Variants in PCDHGA9 observed in about 807,000 individuals in gnomAD.
The protein encoded by PCDHGA9 is protocadherin gamma subfamily A, 9, also known as protocadherin gamma-A9.
Under a neutral mutation model 62.5 loss-of-function variants are expected in PCDHGA9, and 37 were observed. That is an observed-to-expected ratio of 0.59 (90% confidence interval 0.46 to 0.78). The LOEUF is 0.78. Among genes scored for constraint, PCDHGA9 ranks in the 30% least tolerant of loss-of-function variants. PCDHGA9 has a pLI of 0.00. For missense variants in PCDHGA9, 1,138 were observed against 1,166.2 expected (o/e 0.98, Z 0.35); for synonymous variants, 459 against 484.6 (o/e 0.95, Z 0.69).
chr5:141,423,880 G>C, intron 1 of PCDHGA9: 1 of 1,282,292 alleles, frequency 7.8e-7, no homozygotes, highest in Non-Finnish European at 9.9e-7. Context: ...TTTCAATCTT[G>C]GCATATTTTC....
intron 1 of PCDHGA9, chr5:141,427,870 C>A (rs773176633): frequency 3.2e-6 from 5 of 1,558,750 alleles, no homozygotes; most frequent in Non-Finnish European, 4.4e-6. Context: ...TTCGAGCTCA[C>A]GATGCAGGCC....
At chr5:141,465,779 G>A (rs1199779963) in intron 1 of PCDHGA9, among the ~76,000 whole-genome samples, 2 of 145,170 alleles carry the variant, frequency 1.4e-5, no homozygotes, top group African/African-American at 5.0e-5. Flanking sequence ...TCTTGTTACA[G>A]TTTTTTTTTT....
At chr5:141,498,863 G>A (rs1311199561) in intron 2 of PCDHGA9, among the ~76,000 whole-genome samples, 2 of 151,466 alleles carry the variant, frequency 1.3e-5, no homozygotes, top group South Asian at 2.1e-4. Context: ...AACCCAGGAG[G>A]CGGAGGTTGC....
chr5:141,404,885 G>C lies in PCDHGA9; in HGVS notation c.1933G>C (p.Ala645Pro). 2 of 1,613,906 alleles carry C rather than the reference G, an allele frequency of 1.2e-6. No individual in the cohort carries two copies. Among genetic ancestry groups the C allele is most frequent in the Non-Finnish European group, 1.7e-6 (2 of 1,179,904 alleles). The change falls in exon 1 of 4, where the codon GCT becomes CCT. Residue 645 changes from alanine (A) to proline (P), a missense_variant. Ala to Pro is a conservative substitution (Grantham distance 27). Coordinates refer to ENST00000573521, the MANE Select transcript of PCDHGA9 (RefSeq NM_018921.3). Reference protein sequence around the residue: ...RDALKQSLVVAVQDHGQPPLS... With the variant: ...RDALKQSLVVPVQDHGQPPLS... ...TGCGCTCAAACAGAGCCTTGTGGTG[G>C]CTGTACAGGACCATGGCCAGCCCCC...
intron 1 of PCDHGA9, among the ~76,000 whole-genome samples, chr5:141,461,004 T>C (rs2099006736): frequency 6.6e-6 from 1 of 151,664 alleles, no homozygotes; most frequent in Non-Finnish European, 1.5e-5. Context: ...TATGTGTATA[T>C]ATATATACCA....
Position 141,418,614 on chromosome 5 carries a change from G to A in PCDHGA9, c.2424+13238G>A, listed in dbSNP as rs777074200. ...CAGGACGTGTACAGGGTTAGCCTTC[G>A]GGAAGACGTGCCTCCAGGCACCTCC... is the stretch of plus-strand genomic sequence containing the variant. On this transcript the variant is annotated intron_variant, in intron 1 of 3. Transcript: ENST00000573521. The A allele has an allele frequency of 5.0e-6, 8 of 1,613,876 alleles. No homozygotes were observed. In the East Asian group the frequency reaches 1.1e-4, roughly 22 times the overall value.
Position 141,402,898 on chromosome 5 carries a change from T to C in PCDHGA9, c.-55T>C. ...ACTTTGCAGGGTGGAAGAAAGAACC[T>C]GATGAAGCAGCGCGCACAGAGATCC... is the stretch of plus-strand genomic sequence containing the variant. On this transcript the variant is annotated 5_prime_UTR_variant, in exon 1 of 4. Transcript: ENST00000573521. The C allele has an allele frequency of 6.6e-7, 1 of 1,512,304 alleles. No homozygotes were observed. The highest frequency in any genetic ancestry group is 8.8e-7 in the Non-Finnish European group (1 of 1,131,582). The allele number at this position is 1,512,304 out of a possible 1,614,324, so 93.7% of individuals were successfully genotyped here.
chr5:141,482,530 C>CAAAAAAAAAAA (rs3074545), intron 1 of PCDHGA9, among the ~76,000 whole-genome samples: 21 of 76,546 alleles, frequency 2.7e-4, no homozygotes, highest in African/African-American at 4.8e-4. Context: ...GACAGACATG[C>CAAAAAAAAAAA]AAAAAAAAAA....
chr5:141,404,655 C>T lies in PCDHGA9; in HGVS notation c.1703C>T (p.Pro568Leu), dbSNP rs2094551486. Reference protein sequence around the residue: ...NAPEILYPALPTDGSTGVELA... With the variant: ...NAPEILYPALLTDGSTGVELA... Reference sequence around the variant, plus strand: ...CCAGAAATCCTGTACCCTGCCCTCCCCACTGATGGTTCTACTGGTGTGGAG... The same window carrying T: ...CCAGAAATCCTGTACCCTGCCCTCCTCACTGATGGTTCTACTGGTGTGGAG... Residue 568 changes from proline (P) to leucine (L), a missense_variant, in exon 1 of 4, where the codon CCC becomes CTC. Pro to Leu is a moderately conservative substitution (Grantham distance 98). Transcript: ENST00000573521. The T allele has an allele frequency of 6.2e-7, 1 of 1,614,062 alleles. No individual in the cohort carries two copies. The highest frequency in any genetic ancestry group is 8.5e-7 in the Non-Finnish European group (1 of 1,180,018).
At chr5:141,405,708 C>T (rs1328051668) in intron 1 of PCDHGA9, among the ~76,000 whole-genome samples, 2 of 152,164 alleles carry the variant, frequency 1.3e-5, no homozygotes, top group African/African-American at 4.8e-5. Context: ...GAATTCCTAA[C>T]CTCAAGTGAT....
intron 1 of PCDHGA9, chr5:141,414,637 A>G: frequency 5.6e-6 from 9 of 1,613,894 alleles, no homozygotes; most frequent in Non-Finnish European, 6.8e-6. Context: ...CAGCAAAGAG[A>G]ATGCCCAGAT....
chr5:141,439,487 G>A lies in PCDHGA9; in HGVS notation c.2424+34111G>A, dbSNP rs11952418. 8.3e-3 allele frequency among the ~76,000 whole-genome samples: 1,269 copies of A among 152,266 alleles called. 16 individuals are homozygous for A. Among genetic ancestry groups the A allele is most frequent in the African/African-American group, 0.029 (1,205 of 41,540 alleles). Reference sequence around the variant, plus strand: ...GCTGCCTTTCAGCTTGCAAATTCCAGTGAGAAACGTCTTTCTCTCTGCTCT... The same window carrying A: ...GCTGCCTTTCAGCTTGCAAATTCCAATGAGAAACGTCTTTCTCTCTGCTCT... On this transcript the variant is annotated intron_variant, in intron 1 of 3. Coordinates refer to ENST00000573521, the MANE Select transcript of PCDHGA9 (RefSeq NM_018921.3).
intron 1 of PCDHGA9, among the ~76,000 whole-genome samples, chr5:141,449,229 A>G (rs1356585763): frequency 1.3e-5 from 2 of 152,142 alleles, no homozygotes; most frequent in South Asian, 2.1e-4. Context: ...AATGATTTCA[A>G]ATTTTCAAAG....
chr5:141,425,979 A>T lies in PCDHGA9; in HGVS notation c.2424+20603A>T, dbSNP rs114212354. ...GTCCAACACATCAGTCTAATTCTGA[A>T]TCCCATTGAATTAGCAAAGGCTTCC... On this transcript the variant is annotated intron_variant, in intron 1 of 3. Coordinates refer to ENST00000573521, the MANE Select transcript of PCDHGA9 (RefSeq NM_018921.3). Among the ~76,000 whole-genome samples, 592 of 152,328 alleles carry T rather than the reference A, an allele frequency of 3.9e-3. 5 individuals carry two copies. Among genetic ancestry groups the T allele is most frequent in the African/African-American group, 0.014 (563 of 41,580 alleles).
rs953397576 is a variant in PCDHGA9, at chr5:141,410,111, G to A, written c.2424+4735G>A. 6 of 1,612,264 alleles carry A rather than the reference G, an allele frequency of 3.7e-6. No homozygotes were observed. In the African/African-American group the frequency reaches 6.7e-5, roughly 18 times the overall value. On this transcript the variant is annotated intron_variant, in intron 1 of 3. Transcript: ENST00000573521. ...GGCTCGAGCCTTAGGCGACAGGGACGCAGCCCGCCAGCGCCTGCTGGTCGC... is the reference window on the plus strand; with the variant it reads ...GGCTCGAGCCTTAGGCGACAGGGACACAGCCCGCCAGCGCCTGCTGGTCGC...
chr5:141,444,722 C>T (rs72790051), intron 1 of PCDHGA9, among the ~76,000 whole-genome samples: 3,290 of 152,024 alleles, frequency 0.022, 51 homozygotes, highest in South Asian at 0.038. Flanking sequence ...TGCTTGGTGC[C>T]TTTGTTGAAA....
intron 1 of PCDHGA9, among the ~76,000 whole-genome samples, chr5:141,456,179 A>G (rs1161415053): frequency 6.6e-6 from 1 of 151,860 alleles, no homozygotes; most frequent in Non-Finnish European, 1.5e-5. Context: ...TTACAGAATA[A>G]TTTCTTAATA....
At chr5:141,434,608 C>T (rs142418557) in intron 1 of PCDHGA9, among the ~76,000 whole-genome samples, 1,532 of 152,226 alleles carry the variant, frequency 0.01, 34 homozygotes, top group African/African-American at 0.034. Flanking sequence ...CCTTTATTTC[C>T]GCCCATCTCT....
intron 1 of PCDHGA9, chr5:141,428,109 G>A: frequency 1.2e-6 from 2 of 1,607,850 alleles, no homozygotes; most frequent in Non-Finnish European, 1.7e-6. Context: ...CGTGCTGCAG[G>A]CCATCGAGCC....
Sources: allele counts gnomAD v4.1 joint callset (sites outside exome capture counted in the v4.1 genomes callset), GRCh38; gene constraint gnomAD v4.1.1; transcripts MANE v1.5; gene names NCBI Gene and HGNC (gene_info 2026-07-23, HGNC 2026-07-21).